The following LRRC27 variants were observed in gnomAD, a reference collection of about 807,000 sequenced individuals.
LRRC27 encodes the protein leucine-rich repeat-containing protein 27.
LRRC27 carries 57 observed loss-of-function variants against 55.0 expected under a neutral mutation model. The observed-to-expected ratio is 1.04, with a 90% CI of 0.84 to 1.29. LRRC27 has a LOEUF of 1.29. Ranked by LOEUF, LRRC27 falls within the 50% of genes most tolerant of loss-of-function variation. The pLI is 0.00. For synonymous variants in LRRC27, 278 were observed against 251.9 expected (o/e 1.10, Z -0.98); for missense variants, 721 against 651.5 (o/e 1.11, Z -1.16).
At chr10:132,331,578 A>C (rs991170910), upstream of LRRC27, 15 of 1,612,796 alleles carry the variant, frequency 9.3e-6, no homozygotes, top group East Asian at 8.9e-5. Flanking sequence ...TGGCTCCAGG[A>C]AGCCCCAGGA....
intron 8 of LRRC27, among the ~76,000 whole-genome samples, chr10:132,356,437 T>C (rs1316770554): frequency 6.0e-5 from 8 of 133,038 alleles, no homozygotes; most frequent in South Asian, 2.6e-4. Context: ...CTATGGGACA[T>C]GGGATATCCT....
rs549253231 is a variant in LRRC27, at chr10:132,345,993, G to A, written c.553+1343G>A. On this transcript the variant is annotated intron_variant, in intron 5 of 10. Transcript: ENST00000368614. ...GAGGAAGGCCAGCCAGTAAATGACA[G>A]AAGTCAGCGATGGGACGCTCCTGGT... 1.5e-3 allele frequency among the ~76,000 whole-genome samples: 234 copies of A among 152,376 alleles called. 1 individual carries two copies. Among genetic ancestry groups the A allele is most frequent in the Non-Finnish European group, 2.9e-3 (194 of 68,042 alleles).
intron 8 of LRRC27, among the ~76,000 whole-genome samples, chr10:132,357,015 C>T (rs547343676): frequency 1.8e-4 from 28 of 152,376 alleles, no homozygotes; most frequent in South Asian, 6.2e-4. Context: ...GGCCTGCAGG[C>T]GTGGACTGCT....
chr10:132,347,502 C>T (rs556076113), intron 5 of LRRC27, among the ~76,000 whole-genome samples: 6 of 149,126 alleles, frequency 4.0e-5, no homozygotes, highest in East Asian at 4.0e-4. Flanking sequence ...GGGAAGGTCA[C>T]GCATGTCCAG....
chr10:132,332,073 G>T (rs1006282434), upstream of LRRC27: 1 of 254,910 alleles, frequency 3.9e-6, no homozygotes, highest in South Asian at 1.1e-4. Flanking sequence ...GCACACCCCC[G>T]CGCGCAGGCG....
At chr10:132,351,800 C>T (rs766107249) in intron 7 of LRRC27, 47 bp downstream of exon 7, 37 of 1,558,248 alleles carry the variant, frequency 2.4e-5, no homozygotes, top group Middle Eastern at 1.8e-4. Context: ...CCAGTGCACC[C>T]GGAACTGGGA....
At chr10:132,330,415 C>G (rs1356038469), upstream of LRRC27, 7 of 717,134 alleles carry the variant, frequency 9.8e-6, no homozygotes, top group Non-Finnish European at 1.8e-5. Context: ...ACTCCTCATT[C>G]TCTCCTTGCT....
At chr10:132,364,463 A>ACGCTTACATCTACCTCCACG in intron 9 of LRRC27, among the ~76,000 whole-genome samples, 1 of 132,150 alleles carries the variant, frequency 7.6e-6, no homozygotes, top group Non-Finnish European at 1.6e-5. Context: ...ACTCACACCC[A>ACGCTTACATCTACCTCCACG]CCCACACTTA....
chr10:132,331,938 C>T (rs1414720857), upstream of LRRC27: 35 of 511,218 alleles, frequency 6.8e-5, no homozygotes, highest in African/African-American at 1.9e-4. Context: ...CAAGCGCAAC[C>T]CCCCGCCCCA....
At position 132,348,884 on chromosome 10, in the gene LRRC27, TG is replaced by T; in HGVS notation, c.926+530del. Reference sequence around the variant, plus strand: ...GGACAAAAGGAAGGCAGTCATTGTGTGGCCCACTTCCAAAGCTTGCCTTTGC... The same window carrying T: ...GGACAAAAGGAAGGCAGTCATTGTGTGCCCACTTCCAAAGCTTGCCTTTGC... On this transcript the variant is annotated intron_variant, in intron 6 of 10. Transcript: ENST00000368614. This position sits in a 1 kb window ranked among gnomAD's most constrained non-coding sequence, Gnocchi z 4.2. The T allele has an allele frequency of 4.1e-6, 4 of 972,688 alleles. 1 individual carries two copies. Among genetic ancestry groups the T allele is most frequent in the Non-Finnish European group, 6.4e-6 (4 of 628,952 alleles). 60.3% of individuals were successfully genotyped at this position (972,688 alleles called of 1,614,324 possible).
intron 9 of LRRC27, among the ~76,000 whole-genome samples, chr10:132,363,014 C>T (rs1429863408): frequency 8.1e-6 from 1 of 124,136 alleles, no homozygotes; most frequent in Non-Finnish European, 1.8e-5. Flanking sequence ...TGGGGTTCAC[C>T]CTTCTCACCT....
intron 6 of LRRC27, chr10:132,351,335 A>G (rs536904535): frequency 5.1e-5 from 20 of 388,738 alleles, no homozygotes; most frequent in African/African-American, 4.0e-4. Flanking sequence ...CTTCAGGTGC[A>G]TTTCCCAAGC....
intron 3 of LRRC27, among the ~76,000 whole-genome samples, chr10:132,341,582 A>G (rs1318169260): frequency 6.6e-6 from 1 of 152,164 alleles, no homozygotes; most frequent in Non-Finnish European, 1.5e-5. Context: ...TAGGTGTTAA[A>G]TGAAAGTAGA....
rs763688814 is a variant in LRRC27 at position 132,337,561 on chromosome 10, G to A, written c.211-4G>A. On this transcript the variant is annotated splice_polypyrimidine_tract_variant and splice_region_variant and intron_variant, in intron 2 of 10. Transcript: ENST00000368614. ...ACATTCTCTGATTCTCTTTTCCATGGAAGCAATTGCATCTGCAAAGGAATG... is the reference window on the plus strand; with the variant it reads ...ACATTCTCTGATTCTCTTTTCCATGAAAGCAATTGCATCTGCAAAGGAATG... 5.6e-6 allele frequency: 9 copies of A among 1,610,944 alleles called. No homozygotes were observed. The African/African-American group carries it at 1.2e-4, about 22-fold the overall frequency.
rs202218260 is a variant in LRRC27, at chr10:132,364,569, G to C, written c.1290-855G>C. ...CCTCCACACCCACACTTACACCCAC[G>C]TCCACACCCTGGGGCCCCACACTCA... On this transcript the variant is annotated intron_variant, in intron 9 of 10. Transcript: ENST00000368614. Among the ~76,000 whole-genome samples the C allele has an allele frequency of 6.5e-3, 39 of 5,976 alleles. 4 individuals are homozygous for C. The highest frequency in any genetic ancestry group is 0.014 in the Admixed American group (4 of 278). 3.9% of individuals were successfully genotyped at this position (5,976 alleles called of 152,430 possible).
intron 2 of LRRC27, among the ~76,000 whole-genome samples, chr10:132,334,141 G>A (rs941807532): frequency 8.5e-5 from 13 of 152,156 alleles, no homozygotes; most frequent in East Asian, 3.9e-4. Context: ...CTTTGTGCCC[G>A]GCCCTTCTCC....
chr10:132,347,181 A>C (rs1463634877), intron 5 of LRRC27, among the ~76,000 whole-genome samples: 1 of 152,276 alleles, frequency 6.6e-6, no homozygotes. Flanking sequence ...TCTGAGGGGA[A>C]GCAGAAATGT....
rs1478428910 is a variant in LRRC27, at chr10:132,378,071, A to G, written c.*2829A>G. 6.6e-6 allele frequency: 1 copy of G among 151,982 alleles called. No individual in the cohort carries two copies. The highest frequency in any genetic ancestry group is 1.5e-5 in the Non-Finnish European group (1 of 68,004). 9.4% of individuals were successfully genotyped at this position (151,982 alleles called of 1,614,324 possible). On this transcript the variant is annotated 3_prime_UTR_variant, in exon 11 of 11. Transcript: ENST00000368614. ...GTGGCTGTAGTCGCAGCTACTCAGGAGGCTGAGGCGGGAGAATGGCGTGAA... is the reference window on the plus strand; with the variant it reads ...GTGGCTGTAGTCGCAGCTACTCAGGGGGCTGAGGCGGGAGAATGGCGTGAA...
chr10:132,362,098 G>T (rs1462174792), intron 9 of LRRC27, among the ~76,000 whole-genome samples: 2 of 152,232 alleles, frequency 1.3e-5, no homozygotes, highest in Admixed American at 1.3e-4. Context: ...AGGGGACTCA[G>T]GCAAAGTAGC....
Sources: gnomAD v4.1 joint callset for allele counts (sites outside exome capture counted in the v4.1 genomes callset) on GRCh38, gnomAD v4.1.1 for gene constraint, Gnocchi (gnomAD v3.1) non-coding constraint, MANE v1.5 for transcripts, NCBI Gene and HGNC (gene_info 2026-07-23, HGNC 2026-07-21) for gene names.